IL23R: variants seen among roughly 807,000 people sequenced by gnomAD.
IL23R encodes the protein interleukin 23 receptor.
In IL23R, 34 loss-of-function variants were observed where a neutral mutation model predicts 56.9. The observed-to-expected ratio is 0.60, with a 90% CI of 0.45 to 0.80. The LOEUF is 0.80. IL23R is among the 30% of genes least tolerant of loss of function. The pLI, the probability that IL23R is intolerant of heterozygous loss-of-function variation, is 0.00. For synonymous variants in IL23R, 230 were observed against 249.2 expected (o/e 0.92, Z 0.73); for missense variants, 635 against 730.0 (o/e 0.87, Z 1.50).
intron 3 of IL23R, among the ~76,000 whole-genome samples, chr1:67,182,290 C>T (rs181332643): frequency 1.3e-5 from 2 of 152,202 alleles, no homozygotes; most frequent in Admixed American, 6.5e-5. Context: ...CCACCCAGTT[C>T]GAGCTTCCCA....
At chr1:67,227,623 CAG>C (rs1315711473) in intron 7 of IL23R, among the ~76,000 whole-genome samples, 1 of 152,150 alleles carries the variant, frequency 6.6e-6, no homozygotes, top group Non-Finnish European at 1.5e-5. Context: ...AACTAAATAT[CAG>C]TGCTATTAAA....
At chr1:67,191,093 T>C (rs1461956847) in intron 4 of IL23R, among the ~76,000 whole-genome samples, 1 of 152,178 alleles carries the variant, frequency 6.6e-6, no homozygotes, top group African/African-American at 2.4e-5. Context: ...TGATACTGCT[T>C]TATATTCATG....
chr1:67,155,338 T>C (rs1422795567), intron 1 of IL23R, among the ~76,000 whole-genome samples: 1 of 152,164 alleles, frequency 6.6e-6, no homozygotes, highest in African/African-American at 2.4e-5. Context: ...TGTTGGCCTG[T>C]CTTGCTAGGT....
chr1:67,251,042 G>T (rs1426996999), intron 9 of IL23R, among the ~76,000 whole-genome samples: 1 of 152,030 alleles, frequency 6.6e-6, no homozygotes, highest in Admixed American at 6.6e-5. Context: ...GCTATCAGAA[G>T]TTATCTTAGG....
chr1:67,195,652 A>T (rs1300932047), intron 4 of IL23R, among the ~76,000 whole-genome samples: 1 of 152,164 alleles, frequency 6.6e-6, no homozygotes, highest in African/African-American at 2.4e-5. Context: ...GGAAAGAGGT[A>T]ACACAGAAAA....
intron 10 of IL23R, 99 bp from the exon 11 acceptor site, chr1:67,258,379 G>T (rs1419972411): frequency 6.1e-6 from 5 of 825,652 alleles, no homozygotes; most frequent in African/African-American, 5.1e-5. Context: ...GAGGGAGAAA[G>T]GAAAGTTGAA....
chr1:67,262,357 A>G (rs1653224074), downstream of IL23R, among the ~76,000 whole-genome samples: 1 of 152,138 alleles, frequency 6.6e-6, no homozygotes, highest in South Asian at 2.1e-4. Context: ...AAAAAAATAA[A>G]GGAAAATGTC....
At chr1:67,252,038 G>A (rs1490087017) in intron 9 of IL23R, among the ~76,000 whole-genome samples, 2 of 151,770 alleles carry the variant, frequency 1.3e-5, no homozygotes, top group African/African-American at 4.8e-5. Context: ...ATGCACTTCA[G>A]TGTGTTGTTG....
chr1:67,209,132 A>G (rs1305966562), intron 6 of IL23R, among the ~76,000 whole-genome samples: 2 of 152,126 alleles, frequency 1.3e-5, no homozygotes, highest in African/African-American at 4.8e-5. Flanking sequence ...ATTACCTAAT[A>G]CCTGTACCCT....
rs1651500502 is a variant in IL23R, at chr1:67,236,758, C to A, written c.1001C>A (p.Ser334Tyr). The A allele has an allele frequency of 1.2e-6, 2 of 1,613,744 alleles. No individual in the cohort carries two copies. Among genetic ancestry groups the A allele is most frequent in the East Asian group, 4.5e-5 (2 of 44,856 alleles). Residue 334 changes from serine (S) to tyrosine (Y), a missense_variant, in exon 8 of 11, where the codon TCT becomes TAT. Transcript: ENST00000347310. ...GCATTCCAACATGACACATGGAATTCTGGGCTAACAGTTGCTTCCATCTCT... is the reference window on the plus strand; with the variant it reads ...GCATTCCAACATGACACATGGAATTATGGGCTAACAGTTGCTTCCATCTCT... ...SKAFQHDTWN[S>Y]GLTVASISTG...
intron 4 of IL23R, among the ~76,000 whole-genome samples, chr1:67,199,170 C>G (rs1648413962): frequency 6.6e-6 from 1 of 152,184 alleles, no homozygotes; most frequent in South Asian, 2.1e-4. Context: ...CCATCAGTAG[C>G]TCATGGAAGG....
At chr1:67,141,414 G>A (rs914280799) in intron 1 of IL23R, among the ~76,000 whole-genome samples, 3 of 151,324 alleles carry the variant, frequency 2.0e-5, no homozygotes, top group African/African-American at 7.3e-5. Flanking sequence ...AAAGTCAAAA[G>A]CCTCTTAAAA....
intron 3 of IL23R, among the ~76,000 whole-genome samples, chr1:67,170,494 C>T (rs527564240): frequency 2.0e-5 from 3 of 152,114 alleles, no homozygotes; most frequent in Non-Finnish European, 4.4e-5. Flanking sequence ...TAAAAATATA[C>T]GCTAAATTCA....
chr1:67,207,545 T>C, intron 6 of IL23R: 1 of 319,510 alleles, frequency 3.1e-6, no homozygotes, highest in Non-Finnish European at 6.0e-6. Flanking sequence ...TTTCCCACAC[T>C]AGTCTCGTGA....
chr1:67,211,283 G>A (rs1433812576), intron 6 of IL23R, among the ~76,000 whole-genome samples: 1 of 152,122 alleles, frequency 6.6e-6, no homozygotes, highest in Admixed American at 6.5e-5. Context: ...AGACACCTGG[G>A]GTCCTTGTAT....
At chr1:67,240,992 G>GCTATTGTTACGGGCACATACTA (rs1553297240) in intron 9 of IL23R, among the ~76,000 whole-genome samples, 2 of 152,250 alleles carry the variant, frequency 1.3e-5, no homozygotes, top group Admixed American at 6.5e-5. Flanking sequence ...CCAAGACTCA[G>GCTATTGTTACGGGCACATACTA]CTATTGTTAC....
At chr1:67,139,955 A>G (rs1436230631) in intron 1 of IL23R, among the ~76,000 whole-genome samples, 6 of 152,148 alleles carry the variant, frequency 3.9e-5, no homozygotes, top group Admixed American at 3.3e-4. Flanking sequence ...TGGTGGTTTT[A>G]TAAGAAAAGG....
upstream of IL23R, among the ~76,000 whole-genome samples, chr1:67,162,407 A>G (rs896772390): frequency 2.0e-5 from 3 of 152,040 alleles, no homozygotes; most frequent in African/African-American, 7.2e-5. Flanking sequence ...GAATTGCTTG[A>G]ACCTGGGAGG....
chr1:67,209,879 C>T lies in IL23R; in HGVS notation c.798+2824C>T, dbSNP rs1034070977. 4.6e-5 allele frequency among the ~76,000 whole-genome samples: 7 copies of T among 152,128 alleles called. No homozygotes were observed. The South Asian group carries it at 8.3e-4, about 18-fold the overall frequency. On this transcript the variant is annotated intron_variant, in intron 6 of 10. Coordinates refer to ENST00000347310, the MANE Select transcript of IL23R (RefSeq NM_144701.3). The stretch of plus-strand genomic sequence containing the variant: ...ATTAGTTGCTAAATAGACAAAGCTC[C>T]GACTAAGAGGAATCTAATTAGCTAT...
Sources: allele counts gnomAD v4.1 joint callset (sites outside exome capture counted in the v4.1 genomes callset), GRCh38; gene constraint gnomAD v4.1.1; transcripts MANE v1.5; gene names NCBI Gene and HGNC (gene_info 2026-07-23, HGNC 2026-07-21).